Variants in PACRG observed in about 807,000 individuals in gnomAD.
PACRG encodes the protein parkin coregulated, also known as parkin coregulated gene protein.
Under a neutral mutation model 29.7 loss-of-function variants are expected in PACRG, and 29 were observed. That is an observed-to-expected ratio of 0.98 (90% CI 0.73 to 1.33). The LOEUF (loss-of-function observed/expected upper bound fraction) is 1.33, where lower values mean the gene tolerates loss of function less well. Among genes scored for constraint, PACRG ranks in the 40% most tolerant of loss-of-function variants. The probability of loss-of-function intolerance (pLI) is 0.00; values close to 1 mark genes in which losing one functional copy is unlikely to be tolerated. For missense variants in PACRG, 279 were observed against 316.2 expected (o/e 0.88, Z 0.89); for synonymous variants, 116 against 118.7 (o/e 0.98, Z 0.15).
chr6:162,938,187 A>G (rs1798370574), intron 2 of PACRG, among the ~76,000 whole-genome samples: 1 of 152,182 alleles, frequency 6.6e-6, no homozygotes, highest in East Asian at 1.9e-4. Flanking sequence ...ACATAGAATA[A>G]TAGTCTCCAA....
intron 1 of PACRG, among the ~76,000 whole-genome samples, chr6:162,740,061 G>A (rs1780459086): frequency 1.3e-5 from 2 of 151,916 alleles, no homozygotes. Flanking sequence ...TACTAACTGA[G>A]TACTCTGTAT....
Position 163,018,750 on chromosome 6 carries a change from T to C in PACRG, c.292-43400T>C, listed in dbSNP as rs1371412781. On this transcript the variant is annotated intron_variant, in intron 2 of 4. Transcript: ENST00000366888. ...TCCTTTTAGTAGGTAGTGTCCAGTC[T>C]TTTGGGGAGGGAGTTGTCTTGAGTT... is the stretch of plus-strand genomic sequence containing the variant. Among the ~76,000 whole-genome samples the C allele has an allele frequency of 4.0e-5, 6 of 151,546 alleles. No individual in the cohort carries two copies. The East Asian group carries it at 1.2e-3, about 30-fold the overall frequency.
At chr6:163,215,610 A>G (rs1781331138) in intron 4 of PACRG, among the ~76,000 whole-genome samples, 1 of 152,218 alleles carries the variant, frequency 6.6e-6, no homozygotes, top group African/African-American at 2.4e-5. Flanking sequence ...AATAGAATAT[A>G]TATCTTAGAG....
chr6:163,104,251 A>C (rs976531462), intron 4 of PACRG, among the ~76,000 whole-genome samples: 34 of 152,220 alleles, frequency 2.2e-4, no homozygotes, highest in African/African-American at 7.7e-4. Context: ...CTAATTAAAA[A>C]CATCAAACAG....
At chr6:162,866,690 C>T (rs928819791) in intron 2 of PACRG, among the ~76,000 whole-genome samples, 1 of 152,070 alleles carries the variant, frequency 6.6e-6, no homozygotes, top group Non-Finnish European at 1.5e-5. Context: ...TTTCCTACTT[C>T]CAAAACAGTT....
chr6:162,997,514 A>G (rs1403512214), intron 2 of PACRG: 1 of 430,292 alleles, frequency 2.3e-6, no homozygotes, highest in Non-Finnish European at 4.6e-6. Context: ...TAGCAGAATA[A>G]TGCTGGAAAT....
intron 2 of PACRG, among the ~76,000 whole-genome samples, chr6:162,823,001 C>A (rs962358902): frequency 6.6e-6 from 1 of 152,010 alleles, no homozygotes; most frequent in African/African-American, 2.4e-5. Flanking sequence ...TTTCTGCCTG[C>A]ACATTTGTTA....
chr6:162,734,145 A>T (rs768068912), intron 1 of PACRG, among the ~76,000 whole-genome samples: 1 of 152,238 alleles, frequency 6.6e-6, no homozygotes, highest in Admixed American at 6.5e-5. Flanking sequence ...GAAAATGCCA[A>T]TGATGTTATA....
intron 2 of PACRG, among the ~76,000 whole-genome samples, chr6:162,845,433 A>C (rs1790281661): frequency 6.6e-6 from 1 of 151,802 alleles, no homozygotes; most frequent in South Asian, 2.1e-4. Flanking sequence ...CCTTTTGGTA[A>C]AGTTTGTTGT....
At chr6:163,193,623 ATTTC>A (rs916078270) in intron 4 of PACRG, among the ~76,000 whole-genome samples, 3 of 152,052 alleles carry the variant, frequency 2.0e-5, no homozygotes, top group Admixed American at 6.5e-5. Context: ...AACACATGGG[ATTTC>A]TTTCTTTCTT....
At chr6:163,019,086 G>C (rs544901874) in intron 2 of PACRG, among the ~76,000 whole-genome samples, 1 of 152,216 alleles carries the variant, frequency 6.6e-6, no homozygotes, top group East Asian at 1.9e-4. Flanking sequence ...ATGTGATCTT[G>C]TTTTGAAGCA....
At chr6:163,023,427 A>T (rs1325672985) in intron 2 of PACRG, among the ~76,000 whole-genome samples, 1 of 152,226 alleles carries the variant, frequency 6.6e-6, no homozygotes, top group Non-Finnish European at 1.5e-5. Context: ...ATAGCTGTGT[A>T]GTATTTCATA....
At chr6:162,809,201 C>T (rs542013044) in intron 1 of PACRG, among the ~76,000 whole-genome samples, 2 of 151,926 alleles carry the variant, frequency 1.3e-5, no homozygotes, top group South Asian at 2.1e-4. Flanking sequence ...ACTGATGCAC[C>T]GAGACAGCTA....
chr6:163,125,604 C>T (rs6455864), intron 4 of PACRG, among the ~76,000 whole-genome samples: 50,287 of 152,042 alleles, frequency 0.33, 10,647 homozygotes, highest in African/African-American at 0.61. Flanking sequence ...GAAGCATAGT[C>T]AAAAACAATG....
chr6:163,086,090 C>T (rs1813531216), intron 3 of PACRG, among the ~76,000 whole-genome samples: 1 of 152,224 alleles, frequency 6.6e-6, no homozygotes, highest in Non-Finnish European at 1.5e-5. Flanking sequence ...AAGCCTAAAC[C>T]CGTTGAGCAT....
chr6:163,150,005 TA>T (rs1197227494), intron 4 of PACRG, among the ~76,000 whole-genome samples: 5 of 152,248 alleles, frequency 3.3e-5, no homozygotes, highest in Admixed American at 3.3e-4. Flanking sequence ...CGGGACTGTC[TA>T]GCTGTGCGTT....
At chr6:163,013,394 T>A (rs1805796271) in intron 2 of PACRG, among the ~76,000 whole-genome samples, 1 of 152,114 alleles carries the variant, frequency 6.6e-6, no homozygotes, top group African/African-American at 2.4e-5. Context: ...ATAAAGAATA[T>A]TTGTATTGCA....
At chr6:163,163,474 G>A (rs1778653020) in intron 4 of PACRG, among the ~76,000 whole-genome samples, 1 of 152,170 alleles carries the variant, frequency 6.6e-6, no homozygotes, top group Non-Finnish European at 1.5e-5. Context: ...GTTTTGCCAT[G>A]TTGGCCAGGC....
chr6:163,222,610 T>C (rs115320836), intron 4 of PACRG, among the ~76,000 whole-genome samples: 34 of 152,220 alleles, frequency 2.2e-4, no homozygotes, highest in African/African-American at 7.0e-4. Flanking sequence ...ACAAAAGCAT[T>C]GCACGGAAAA....
Sources: allele counts gnomAD v4.1 joint callset (sites outside exome capture counted in the v4.1 genomes callset), GRCh38; gene constraint gnomAD v4.1.1; transcripts MANE v1.5; gene names NCBI Gene and HGNC (gene_info 2026-07-23, HGNC 2026-07-21).